The following CCDC88C variants were observed in gnomAD, a reference collection of about 807,000 sequenced individuals.
The protein encoded by CCDC88C is protein Daple.
A neutral mutation model predicts 198.8 loss-of-function variants in CCDC88C; 131 were observed. The ratio of observed to expected loss-of-function variants is 0.66; its 90% CI spans 0.57 to 0.76. CCDC88C has a LOEUF of 0.76. Among genes scored for constraint, CCDC88C ranks in the 30% least tolerant of loss-of-function variants. The pLI is 0.00. For missense variants in CCDC88C, 2,553 were observed against 2,631.6 expected, an observed-to-expected ratio of 0.97 and a Z score of 0.65; for synonymous variants, 1,166 against 1,114.7, an observed-to-expected ratio of 1.05 and a Z score of -0.92.
chr14:91,313,695 C>G lies in CCDC88C; in HGVS notation c.2121G>C (p.Leu707=). 6.2e-7 allele frequency: 1 copy of G among 1,611,510 alleles called. No homozygotes were observed. The highest frequency in any genetic ancestry group is 8.5e-7 in the Non-Finnish European group (1 of 1,179,894). The change falls in exon 15 of 30, where the codon CTG becomes CTC. Residue 707 remains leucine, a synonymous_variant. Coordinates refer to ENST00000389857, the MANE Select transcript of CCDC88C (RefSeq NM_001080414.4). This position sits in a 1 kb window ranked among gnomAD's most constrained non-coding sequence, Gnocchi z 5.2. ...RDNKQLDAEN[L]ELRRLVETMR... ...TGGTCTCCACCAGCCTGCGCAGCTC[C>G]AGGTTCTCTGCGTCCAGCTGCTTGT... is the stretch of plus-strand genomic sequence containing the variant.
chr14:91,335,966 T>A (rs926384637), intron 10 of CCDC88C, among the ~76,000 whole-genome samples: 1 of 152,228 alleles, frequency 6.6e-6, no homozygotes, highest in Non-Finnish European at 1.5e-5. Context: ...ATCACCTGCG[T>A]TGGCGGCTCA....
At chr14:91,348,631 A>AT (rs1893653682) in intron 4 of CCDC88C, among the ~76,000 whole-genome samples, 1 of 152,184 alleles carries the variant, frequency 6.6e-6, no homozygotes, top group Non-Finnish European at 1.5e-5. Flanking sequence ...CCCAACACCC[A>AT]TTAGACATCA....
chr14:91,306,964 A>G (rs1891580866), intron 18 of CCDC88C, 74 bp downstream of exon 18: 1 of 1,412,882 alleles, frequency 7.1e-7, no homozygotes, highest in Non-Finnish European at 9.5e-7. Context: ...ATGACAAGTC[A>G]TCAATGGGAC....
chr14:91,390,628 C>A (rs1333559980), intron 3 of CCDC88C, among the ~76,000 whole-genome samples: 1 of 152,240 alleles, frequency 6.6e-6, no homozygotes, highest in Non-Finnish European at 1.5e-5. Flanking sequence ...GCCCACTGCA[C>A]CTTCCCAGTG....
In CCDC88C at chr14:91,408,665, G is replaced by A. The variant is rs1886636996; in HGVS notation, c.264C>T (p.Tyr88=). Residue 88 remains tyrosine, a synonymous_variant, in exon 3 of 30, where the codon TAC becomes TAT. Coordinates refer to ENST00000389857, the MANE Select transcript of CCDC88C (RefSeq NM_001080414.4). ...LTILVRNIKT[Y]YQEVLQQLIV... is the part of the protein sequence containing the mutation. ...ACAGCAGAACTGCCCTTACCTGGTAGTAGGTCTTAATGTTTCTCACCAAGA... is the reference window on the plus strand; with the variant it reads ...ACAGCAGAACTGCCCTTACCTGGTAATAGGTCTTAATGTTTCTCACCAAGA... 6.3e-7 allele frequency: 1 copy of A among 1,595,876 alleles called. No homozygotes were observed. Among genetic ancestry groups the A allele is most frequent in the Non-Finnish European group, 8.6e-7 (1 of 1,163,454 alleles).
rs57281083 is a variant in CCDC88C, at chr14:91,366,153, TACACACACACACACAC to T, written c.271-6458_271-6443del. On this transcript the variant is annotated intron_variant, in intron 3 of 29. Coordinates refer to ENST00000389857, the MANE Select transcript of CCDC88C (RefSeq NM_001080414.4). The stretch of plus-strand genomic sequence containing the variant: ...GAACATGACAGACCTACTTAAAAAA[TACACACACACACACAC>T]ACACACACACACACACACACACACA... Among the ~76,000 whole-genome samples the T allele has an allele frequency of 2.4e-3, 328 of 136,460 alleles. 1 individual carries two copies. The highest frequency in any genetic ancestry group is 7.8e-3 in the African/African-American group (292 of 37,424). 89.5% of individuals were successfully genotyped at this position (136,460 alleles called of 152,430 possible).
intron 21 of CCDC88C, among the ~76,000 whole-genome samples, chr14:91,297,940 CCTTT>C (rs545190200): frequency 2.0e-5 from 3 of 152,158 alleles, no homozygotes; most frequent in Non-Finnish European, 4.4e-5. Context: ...ATTCCAAGCC[CCTTT>C]CTAATTTCAG....
At chr14:91,342,507 G>T in intron 5 of CCDC88C, 44 bp from the exon 6 acceptor site, 1 of 1,279,902 alleles carries the variant, frequency 7.8e-7, no homozygotes, top group Non-Finnish European at 1.1e-6. Context: ...GTTCAAGTGA[G>T]GGTGAAGCTG....
chr14:91,338,365 C>T lies in CCDC88C; in HGVS notation c.891+124G>A. ...ACAGGGTCATCCCCATAGCCGTGCTCAGGACAAGTGGCTCTTGTGTGGCTT... is the reference window on the plus strand; with the variant it reads ...ACAGGGTCATCCCCATAGCCGTGCTTAGGACAAGTGGCTCTTGTGTGGCTT... On this transcript the variant is annotated intron_variant, in intron 9 of 29. Transcript: ENST00000389857. The surrounding 1 kb of genome is among the most constrained non-coding windows in gnomAD (Gnocchi z 4.8). 1 of 1,004,010 alleles carries T rather than the reference C, an allele frequency of 1.0e-6. No homozygotes were observed. Among genetic ancestry groups the T allele is most frequent in the East Asian group, 2.6e-5 (1 of 38,214 alleles). The allele number at this position is 1,004,010 out of a possible 1,614,324, so 62.2% of individuals were successfully genotyped here. A position where few individuals can be genotyped will look rare whatever the true frequency, so the allele number is the denominator to read the frequency against.
At chr14:91,309,737 C>T (rs868697800) in intron 16 of CCDC88C, 122 bp downstream of exon 16, 9 of 1,008,568 alleles carry the variant, frequency 8.9e-6, no homozygotes, top group Middle Eastern at 4.9e-4. Flanking sequence ...CAAGGAACCG[C>T]GTGAGGTCAC....
At chr14:91,363,881 C>T (rs993970714) in intron 3 of CCDC88C, among the ~76,000 whole-genome samples, 9 of 152,202 alleles carry the variant, frequency 5.9e-5, no homozygotes, top group South Asian at 2.1e-4. Flanking sequence ...AGGCTGCTGA[C>T]GAGGGGACCC....
chr14:91,366,995 G>C (rs1352751746), intron 3 of CCDC88C, among the ~76,000 whole-genome samples: 1 of 152,214 alleles, frequency 6.6e-6, no homozygotes, highest in Non-Finnish European at 1.5e-5. Context: ...ACCGTTCTGT[G>C]CATGTGGCAG....
intron 25 of CCDC88C, among the ~76,000 whole-genome samples, chr14:91,286,665 G>A (rs1490507912): frequency 6.6e-6 from 1 of 152,184 alleles, no homozygotes; most frequent in Non-Finnish European, 1.5e-5. Context: ...CACAGAATAA[G>A]GGACCAACTT....
At chr14:91,415,396 C>T (rs1886992305) in intron 2 of CCDC88C, among the ~76,000 whole-genome samples, 1 of 151,674 alleles carries the variant, frequency 6.6e-6, no homozygotes, top group African/African-American at 2.4e-5. Context: ...AAAGCAAAAA[C>T]CATTAAACAG....
intron 16 of CCDC88C, 23 bp from the exon 17 acceptor site, chr14:91,308,515 A>G: frequency 6.8e-6 from 11 of 1,611,204 alleles, no homozygotes; most frequent in Non-Finnish European, 9.3e-6. Flanking sequence ...AAGATACAAT[A>G]GTATCACTTA....
At position 91,342,363 on chromosome 14, in the gene CCDC88C, C is replaced by G. The variant is rs552686823; in HGVS notation, c.483+17G>C. 6.5e-7 allele frequency: 1 copy of G among 1,538,194 alleles called. No individual in the cohort carries two copies. ...CAGCAGTCCACAGCTGAGCCCACCA[C>G]GAGGCCACGCACCTACCTCCTGGAT... is the stretch of plus-strand genomic sequence containing the variant. On this transcript the variant is annotated intron_variant, in intron 6 of 29. Transcript: ENST00000389857.
intron 3 of CCDC88C, chr14:91,379,490 C>A (rs1023399183): frequency 7.1e-5 from 24 of 336,514 alleles, no homozygotes; most frequent in African/African-American, 4.9e-4. Context: ...CCCGGGGCAG[C>A]TAGGAACTGG....
Position 91,313,131 on chromosome 14 carries a change from G to A in CCDC88C, c.2685C>T (p.Asp895=), listed in dbSNP as rs1891910183. 6.2e-7 allele frequency: 1 copy of A among 1,607,992 alleles called. No homozygotes were observed. Among genetic ancestry groups the A allele is most frequent in the Middle Eastern group, 1.7e-4 (1 of 6,044 alleles). The stretch of plus-strand genomic sequence containing the variant: ...CATGCACGGTGACTTGCTTGGTGAG[G>A]TCCCGGTTGTCCTTCTCCAGCTCCT... The part of the protein sequence containing the change: ...KLKELEKDNR[D]LTKQVTVHAR... Residue 895 remains aspartate, a synonymous_variant, in exon 15 of 30, where the codon GAC becomes GAT. Coordinates refer to ENST00000389857, the MANE Select transcript of CCDC88C (RefSeq NM_001080414.4). The surrounding 1 kb of genome is among the most constrained non-coding windows in gnomAD (Gnocchi z 5.2).
intron 3 of CCDC88C, 149 bp from the exon 4 acceptor site, chr14:91,359,860 C>G (rs1389090638): frequency 2.9e-6 from 2 of 683,820 alleles, no homozygotes; most frequent in African/African-American, 3.6e-5. Context: ...GCAAGGAGCA[C>G]GTAAGATGCA....
Sources: gnomAD v4.1 joint callset for allele counts (sites outside exome capture counted in the v4.1 genomes callset) on GRCh38, gnomAD v4.1.1 for gene constraint, Gnocchi (gnomAD v3.1) non-coding constraint, MANE v1.5 for transcripts, NCBI Gene and HGNC (gene_info 2026-07-23, HGNC 2026-07-21) for gene names.